C10orf143: variants seen among roughly 807,000 people sequenced by gnomAD.
C10orf143 encodes the protein uncharacterized protein C10orf143.
intron 3 of C10orf143, among the ~76,000 whole-genome samples, chr10:130,071,920 G>A (rs1163497220): frequency 6.6e-6 from 1 of 152,112 alleles, no homozygotes; most frequent in Non-Finnish European, 1.5e-5. Flanking sequence ...CACCGCGCCT[G>A]GCCGTCATAT....
intron 1 of C10orf143, among the ~76,000 whole-genome samples, chr10:130,087,032 C>T (rs758110940): frequency 4.6e-5 from 7 of 152,170 alleles, no homozygotes; most frequent in Non-Finnish European, 7.3e-5. Flanking sequence ...GCCACCAAGG[C>T]GAGCAGAGTG....
intron 1 of C10orf143, among the ~76,000 whole-genome samples, chr10:130,104,402 T>A (rs1861606783): frequency 6.6e-6 from 1 of 152,162 alleles, no homozygotes; most frequent in South Asian, 2.1e-4. Context: ...CAGAGATGGG[T>A]CCTGGCTGCT....
chr10:130,061,380 A>C (rs551034556), downstream of C10orf143, among the ~76,000 whole-genome samples: 2 of 152,194 alleles, frequency 1.3e-5, no homozygotes, highest in South Asian at 4.2e-4. Context: ...TATATTTTTG[A>C]AGGAGGAAAA....
downstream of C10orf143, among the ~76,000 whole-genome samples, chr10:130,060,595 GGAT>G (rs1182849436): frequency 2.0e-5 from 3 of 151,962 alleles, no homozygotes; most frequent in African/African-American, 4.8e-5. Flanking sequence ...AGGCCAAGGC[GGAT>G]GGATCACAAG....
intron 3 of C10orf143, among the ~76,000 whole-genome samples, chr10:130,041,207 G>C (rs141436167): frequency 6.6e-6 from 1 of 152,236 alleles, no homozygotes; most frequent in Non-Finnish European, 1.5e-5. Context: ...CCTAAATACC[G>C]AGGCTCTGGT....
chr10:130,046,837 C>T (rs1331283349), intron 3 of C10orf143, among the ~76,000 whole-genome samples: 1 of 152,246 alleles, frequency 6.6e-6, no homozygotes, highest in Non-Finnish European at 1.5e-5. Flanking sequence ...TCCCAGGAGG[C>T]GCCAGTCACG....
rs138232702 is a variant in C10orf143, at chr10:130,078,856, T to C, written c.297+710A>G. On this transcript the variant is annotated intron_variant, in intron 3 of 3. Coordinates refer to ENST00000637128, the MANE Select transcript of C10orf143 (RefSeq NM_001355042.2). ...GGGGGCAATCTCAGAAATACACATA[T>C]ACACACGCACAAATTCCTGGTTTCT... Among the ~76,000 whole-genome samples, 504 of 152,270 alleles carry C rather than the reference T, an allele frequency of 3.3e-3. 6 individuals are homozygous for C. Among genetic ancestry groups the C allele is most frequent in the African/African-American group, 0.012 (479 of 41,560 alleles).
intron 1 of C10orf143, among the ~76,000 whole-genome samples, chr10:130,094,608 A>G (rs1415787350): frequency 6.6e-6 from 1 of 152,242 alleles, no homozygotes. Context: ...TGACATAAGC[A>G]GAACCAATGA....
chr10:130,042,479 C>G (rs1860618699), intron 3 of C10orf143, among the ~76,000 whole-genome samples: 1 of 152,222 alleles, frequency 6.6e-6, no homozygotes, highest in South Asian at 2.1e-4. Context: ...CAGTCCTGGA[C>G]AATTAGCTGG....
intron 3 of C10orf143, among the ~76,000 whole-genome samples, chr10:130,070,067 G>A (rs986877398): frequency 3.3e-5 from 5 of 152,174 alleles, no homozygotes; most frequent in African/African-American, 7.2e-5. Flanking sequence ...ACTGTATGCT[G>A]TTGCTGCATG....
rs1352599511 is a variant in C10orf143 at position 130,110,719 on chromosome 10, C to T, written c.54G>A (p.Gln18=). The T allele has an allele frequency of 7.5e-6, 3 of 398,834 alleles. No homozygotes were observed. The highest frequency in any genetic ancestry group is 1.3e-4 in the South Asian group (1 of 7,868). 24.7% of individuals were successfully genotyped at this position (398,834 alleles called of 1,614,324 possible). A position where few individuals can be genotyped will look rare whatever the true frequency, so the allele number is the denominator to read the frequency against. ...GGGGGCTCACCACGTCCCCCGGAACCTGCAGATCCTCCGCCCTCCGCTGTC... is the reference window on the plus strand; with the variant it reads ...GGGGGCTCACCACGTCCCCCGGAACTTGCAGATCCTCCGCCCTCCGCTGTC... ...RWRQRRAEDL[Q]VPGDVKRVCR... is the part of the protein sequence containing the mutation. The change falls in exon 1 of 4, where the codon CAG becomes CAA. Residue 18 remains glutamine (Q), a synonymous_variant. Transcript: ENST00000637128.
chr10:130,106,311 A>C, intron 1 of C10orf143: 3 of 1,595,322 alleles, frequency 1.9e-6, no homozygotes, highest in Non-Finnish European at 2.6e-6. Context: ...ATTGAAGAAA[A>C]ATGTAAACTA....
chr10:130,074,202 T>A (rs902164708), intron 3 of C10orf143, among the ~76,000 whole-genome samples: 1 of 152,214 alleles, frequency 6.6e-6, no homozygotes, highest in African/African-American at 2.4e-5. Flanking sequence ...CTCAGGCCCC[T>A]GCCTCCCCAT....
chr10:130,078,149 CTGT>C (rs1470641835), intron 3 of C10orf143, among the ~76,000 whole-genome samples: 2 of 152,292 alleles, frequency 1.3e-5, no homozygotes, highest in East Asian at 3.9e-4. Context: ...CAAATAGGTA[CTGT>C]TGTTCAAACA....
intron 2 of C10orf143, 30 bp from the exon 3 acceptor site, chr10:130,079,658 T>A (rs894302524): frequency 1.0e-5 from 4 of 398,890 alleles, no homozygotes; most frequent in African/African-American, 8.2e-5. Context: ...TGCAGATATA[T>A]CAGAACAATG....
chr10:130,105,223 C>G (rs112151261), intron 1 of C10orf143, among the ~76,000 whole-genome samples: 7,804 of 152,232 alleles, frequency 0.051, 672 homozygotes, highest in African/African-American at 0.18. Flanking sequence ...CCACTGCGCC[C>G]GGCCTGCTTT....
At chr10:130,048,586 C>T (rs952720082) in intron 3 of C10orf143, among the ~76,000 whole-genome samples, 2 of 152,150 alleles carry the variant, frequency 1.3e-5, no homozygotes, top group Non-Finnish European at 2.9e-5. Context: ...GCAGGGACCT[C>T]GGTCACTTTT....
rs1030450141 is a variant in C10orf143, at chr10:130,050,417, G to A, written c.298-14447C>T. ...GAACAACAACAAAAATTAACCAGAC[G>A]TGGCAGCGTGCGCCTGTGGTCCCAG... On this transcript the variant is annotated intron_variant and NMD_transcript_variant, in intron 3 of 5. Coordinates refer to the C10orf143 transcript ENST00000643056. Among the ~76,000 whole-genome samples, 3 of 152,326 alleles carry A rather than the reference G, an allele frequency of 2.0e-5. No individual in the cohort carries two copies. In the East Asian group the frequency reaches 5.8e-4, roughly 29 times the overall value.
At chr10:130,067,851 AC>A (rs1248693485) in intron 3 of C10orf143, 1 of 152,216 alleles carries the variant, frequency 6.6e-6, no homozygotes, top group Non-Finnish European at 1.5e-5. Flanking sequence ...ACCCTTCTGT[AC>A]CAGTCATAGC....
Sources: gnomAD v4.1 joint callset for allele counts (sites outside exome capture counted in the v4.1 genomes callset) on GRCh38, gnomAD v4.1.1 for gene constraint, MANE v1.5 for transcripts, NCBI Gene and HGNC (gene_info 2026-07-23, HGNC 2026-07-21) for gene names.